Variants in TRIP12 observed in about 807,000 individuals in gnomAD.
TRIP12 encodes the protein thyroid hormone receptor interactor 12, also known as E3 ubiquitin-protein ligase TRIP12.
A neutral mutation model predicts 244.2 loss-of-function variants in TRIP12; 25 were observed. The observed-to-expected ratio is 0.10, with a 90% CI of 0.07 to 0.14. TRIP12 has a LOEUF of 0.14. TRIP12 is among the 10% of genes least tolerant of loss of function. TRIP12 has a pLI of 1.00. For missense variants in TRIP12, 1,677 were observed against 2,486.4 expected (o/e 0.67, Z 6.92); for synonymous variants, 905 against 873.1 (o/e 1.04, Z -0.64).
At position 229,778,786 on chromosome 2, in the gene TRIP12, CCA is replaced by C; in HGVS notation, c.5209+88_5209+89del. The C allele has an allele frequency of 7.3e-7, 1 of 1,376,398 alleles. No individual in the cohort carries two copies. Among genetic ancestry groups the C allele is most frequent in the Non-Finnish European group, 1.0e-6 (1 of 982,590 alleles). The allele number at this position is 1,376,398 out of a possible 1,614,324, so 85.3% of individuals were successfully genotyped here. A position where few individuals can be genotyped will look rare whatever the true frequency, so the allele number is the denominator to read the frequency against. Reference sequence around the variant, plus strand: ...GCTAAAAGAAAGCAAGTACAGCTGTCCATTAGAAATTAAATATGTCTAATAAA... The same window carrying C: ...GCTAAAAGAAAGCAAGTACAGCTGTCTTAGAAATTAAATATGTCTAATAAA... On this transcript the variant is annotated intron_variant, in intron 35 of 41. Coordinates refer to ENST00000675903, the MANE Select transcript of TRIP12 (RefSeq NM_001348323.3). This position sits in a 1 kb window ranked among gnomAD's most constrained non-coding sequence, Gnocchi z 4.1.
In TRIP12 at chr2:229,879,968, C is replaced by T. The variant is rs916999114; in HGVS notation, c.98+14G>A. The stretch of plus-strand genomic sequence containing the variant: ...TATTCCCAATTCCTTTTCAAATTAC[C>T]ATGAAATACATACCTTCCTCCTATT... On this transcript the variant is annotated intron_variant, in intron 2 of 41. Transcript: ENST00000675903. 3.1e-6 allele frequency: 5 copies of T among 1,613,342 alleles called. No homozygotes were observed. The highest frequency in any genetic ancestry group is 4.2e-6 in the Non-Finnish European group (5 of 1,179,474).
At position 229,857,724 on chromosome 2, in the gene TRIP12, A is replaced by G. The variant is rs192125399; in HGVS notation, c.1027+1048T>C. ...GGTTCCCTGAAGAAGTCTTTTGGTA[A>G]AGAGAGAGGGAGAAGAGTTCCTGGA... On this transcript the variant is annotated intron_variant, in intron 4 of 41. Transcript: ENST00000675903. Among the ~76,000 whole-genome samples the G allele has an allele frequency of 7.3e-4, 111 of 152,332 alleles. 1 individual carries two copies. Among genetic ancestry groups the G allele is most frequent in the African/African-American group, 2.5e-3 (104 of 41,590 alleles).
chr2:229,843,958 T>TA (rs879497195), intron 4 of TRIP12, among the ~76,000 whole-genome samples: 2,722 of 146,128 alleles, frequency 0.019, 69 homozygotes, highest in African/African-American at 0.059. Context: ...TATTCCTAAT[T>TA]AAAAAAAAAA....
chr2:229,822,935 G>T (rs2050460299), intron 8 of TRIP12, among the ~76,000 whole-genome samples: 1 of 152,092 alleles, frequency 6.6e-6, no homozygotes, highest in African/African-American at 2.4e-5. Context: ...TCATTGACGG[G>T]TTTAACAAAA....
At chr2:229,802,522 A>G (rs1454185994) in intron 20 of TRIP12, 63 bp from the exon 21 acceptor site, 7 of 1,278,070 alleles carry the variant, frequency 5.5e-6, no homozygotes, top group Admixed American at 3.9e-5. Flanking sequence ...TCTCCCCACC[A>G]TTACAAAATC....
chr2:229,907,776 C>A (rs563496134), intron 1 of TRIP12, among the ~76,000 whole-genome samples: 1 of 13,188 alleles, frequency 7.6e-5, no homozygotes, highest in Non-Finnish European at 1.6e-4. Flanking sequence ...GCACTCCAGT[C>A]TAAACAACAG....
At chr2:229,782,146 C>T (rs1301994421) in intron 34 of TRIP12, among the ~76,000 whole-genome samples, 1 of 152,074 alleles carries the variant, frequency 6.6e-6, no homozygotes, top group Admixed American at 6.6e-5. Context: ...AAAGGTCCTG[C>T]AGTCTCATAA....
intron 8 of TRIP12, among the ~76,000 whole-genome samples, chr2:229,827,641 TCTC>T (rs1010927277): frequency 6.6e-6 from 1 of 152,146 alleles, no homozygotes; most frequent in Admixed American, 6.5e-5. Flanking sequence ...GAAGCTGTCA[TCTC>T]CTATGACAAC....
chr2:229,785,991 A>C, intron 33 of TRIP12, 136 bp from the exon 34 acceptor site: 2 of 681,362 alleles, frequency 2.9e-6, no homozygotes, highest in Non-Finnish European at 2.3e-6. Flanking sequence ...CAGGTAACTC[A>C]GAAAAGGTTA....
intron 1 of TRIP12, among the ~76,000 whole-genome samples, chr2:229,883,763 T>C (rs1332613196): frequency 2.6e-5 from 4 of 152,226 alleles, no homozygotes; most frequent in Admixed American, 1.3e-4. Context: ...TCACAGAGTA[T>C]ACAACCAACT....
chr2:229,781,725 T>A lies in TRIP12; in HGVS notation c.5095-2735A>T, dbSNP rs752881040. ...GACCTGACATTTTCACTGGGATTCT[T>A]CTAGAGCTAGTTAGAAATTCTTCCT... On this transcript the variant is annotated intron_variant, in intron 34 of 41. Transcript: ENST00000675903. 3.9e-5 allele frequency among the ~76,000 whole-genome samples: 6 copies of A among 152,344 alleles called. No individual in the cohort carries two copies. In the East Asian group the frequency reaches 1.2e-3, roughly 29 times the overall value.
chr2:229,830,140 C>T (rs1347526448), intron 7 of TRIP12, among the ~76,000 whole-genome samples: 1 of 152,096 alleles, frequency 6.6e-6, no homozygotes, highest in Non-Finnish European at 1.5e-5. Context: ...TAGTATTAGG[C>T]TGCTTTTGTA....
Position 229,767,401 on chromosome 2 carries a change from A to T in TRIP12, c.*153T>A. 1.2e-6 allele frequency: 1 copy of T among 854,154 alleles called. No homozygotes were observed. 52.9% of individuals were successfully genotyped at this position (854,154 alleles called of 1,614,324 possible). On this transcript the variant is annotated 3_prime_UTR_variant, in exon 42 of 42. Coordinates refer to ENST00000675903, the MANE Select transcript of TRIP12 (RefSeq NM_001348323.3). ...TTTAAGTCCATGGGGCCATTAATGA[A>T]TATCAACCAAATGTCTCTTTATAAT...
In TRIP12 at chr2:229,917,380, C is replaced by CAAAA. The variant is rs60397605; in HGVS notation, c.-50+4496_-50+4499dup. Among the ~76,000 whole-genome samples, 73 of 29,264 alleles carry CAAAA rather than the reference C, an allele frequency of 2.5e-3. 20 individuals are homozygous for CAAAA. Among genetic ancestry groups the CAAAA allele is most frequent in the East Asian group, 5.1e-3 (3 of 590 alleles). The allele number at this position is 29,264 out of a possible 152,430, so 19.2% of individuals were successfully genotyped here. ...TGGGCAACAGAGCGAGACTCTGTCT[C>CAAAA]AAAAAAAAAAAAAAAAAAAAAAAAA... On this transcript the variant is annotated intron_variant, in intron 1 of 41. Coordinates refer to ENST00000675903, the MANE Select transcript of TRIP12 (RefSeq NM_001348323.3).
chr2:229,910,135 T>C (rs2073982468), intron 1 of TRIP12, among the ~76,000 whole-genome samples: 1 of 152,230 alleles, frequency 6.6e-6, no homozygotes, highest in Admixed American at 6.5e-5. Context: ...TCCTTGATTT[T>C]ACACTCCTTA....
chr2:229,854,154 G>A (rs1034194004), intron 4 of TRIP12, among the ~76,000 whole-genome samples: 1 of 152,084 alleles, frequency 6.6e-6, no homozygotes, highest in Non-Finnish European at 1.5e-5. Flanking sequence ...TCCAAATAAT[G>A]TATATTACAG....
intron 4 of TRIP12, among the ~76,000 whole-genome samples, chr2:229,851,366 C>A (rs2058670956): frequency 6.6e-6 from 1 of 152,148 alleles, no homozygotes; most frequent in African/African-American, 2.4e-5. Flanking sequence ...TGTGTCAACA[C>A]TCTGTATCTA....
At chr2:229,816,540 TATAAATA>T (rs2048544805) in intron 9 of TRIP12, among the ~76,000 whole-genome samples, 1 of 152,190 alleles carries the variant, frequency 6.6e-6, no homozygotes, top group Non-Finnish European at 1.5e-5. Flanking sequence ...GATGAAGAGA[TATAAATA>T]ATATTCAACT....
intron 8 of TRIP12, among the ~76,000 whole-genome samples, chr2:229,828,454 T>C (rs2052361928): frequency 1.3e-5 from 2 of 151,760 alleles, no homozygotes; most frequent in Middle Eastern, 3.4e-3. Context: ...CTGATTGTAA[T>C]GTATAGATCA....
Sources: allele counts gnomAD v4.1 joint callset (sites outside exome capture counted in the v4.1 genomes callset), GRCh38; gene constraint gnomAD v4.1.1; non-coding constraint Gnocchi (gnomAD v3.1); transcripts MANE v1.5; gene names NCBI Gene and HGNC (gene_info 2026-07-23, HGNC 2026-07-21).